The following APOBEC3F variants were observed in gnomAD, a reference collection of about 807,000 sequenced individuals.
APOBEC3F encodes the protein DNA dC->dU-editing enzyme APOBEC-3F.
A neutral mutation model predicts 45.8 loss-of-function variants in APOBEC3F; 34 were observed. That is an observed-to-expected ratio of 0.74 (90% CI 0.57 to 0.99). The LOEUF is 0.99. APOBEC3F is among the 50% of genes least tolerant of loss of function. The pLI is 0.00. For synonymous variants in APOBEC3F, 192 were observed against 174.4 expected (o/e 1.10, Z -0.80); for missense variants, 459 against 474.1 (o/e 0.97, Z 0.30).
intron 5 of APOBEC3F, among the ~76,000 whole-genome samples, chr22:39,051,683 G>C (rs1400626204): frequency 6.6e-6 from 1 of 152,146 alleles, no homozygotes; most frequent in Non-Finnish European, 1.5e-5. Flanking sequence ...CCATGCATGT[G>C]GTTTATGCTC....
At chr22:39,047,147 G>GGGAC (rs1927263124) in intron 4 of APOBEC3F, among the ~76,000 whole-genome samples, 1 of 152,068 alleles carries the variant, frequency 6.6e-6, no homozygotes, top group Non-Finnish European at 1.5e-5. Context: ...GCATCCTGGG[G>GGGAC]GGACATCTGA....
intron 4 of APOBEC3F, among the ~76,000 whole-genome samples, chr22:39,048,026 T>C (rs896440475): frequency 6.6e-6 from 1 of 152,206 alleles, no homozygotes; most frequent in African/African-American, 2.4e-5. Flanking sequence ...CAGAGGAGGA[T>C]GCACATGACT....
chr22:39,049,718 G>A (rs990023284), intron 5 of APOBEC3F, 137 bp downstream of exon 5: 3 of 796,568 alleles, frequency 3.8e-6, no homozygotes, highest in Non-Finnish European at 3.5e-6. Context: ...TTTTTTTTTT[G>A]AGACAGAGTC....
rs369679835 is a variant in APOBEC3F, at chr22:39,045,130, C to T, written c.361C>T (p.Arg121Cys). ...PNVTLTISAA[R>C]LYYYWERDYR... Reference sequence around the variant, plus strand: ...TGTCACCCTGACCATCTCCGCCGCCCGCCTCTACTACTACTGGGAAAGAGA... The same window carrying T: ...TGTCACCCTGACCATCTCCGCCGCCTGCCTCTACTACTACTGGGAAAGAGA... Residue 121 changes from arginine (R) to cysteine (C), a missense_variant, in exon 3 of 7, where the codon CGC becomes TGC. Transcript: ENST00000308521. 2.1e-5 allele frequency: 34 copies of T among 1,613,966 alleles called. No individual in the cohort carries two copies. The South Asian group carries it at 2.3e-4, about 11-fold the overall frequency.
chr22:39,052,317 C>T lies in APOBEC3F; in HGVS notation c.967C>T (p.Gln323Ter). Residue 323 changes from glutamine to a stop codon, truncating the protein, a stop_gained, in exon 6 of 7, where the codon CAG becomes TAG. Transcript: ENST00000308521. LOFTEE classifies it low-confidence loss of function (END_TRUNC). ...DYQEGLRSLS[Q>*]EGASVEIMGY... ...CCAGGAGGGGCTCCGCAGCCTGAGT[C>T]AGGAAGGGGCCTCCGTGGAGATCAT... 6.2e-7 allele frequency: 1 copy of T among 1,614,186 alleles called. No individual in the cohort carries two copies. Among genetic ancestry groups the T allele is most frequent in the Non-Finnish European group, 8.5e-7 (1 of 1,180,028 alleles).
intron 2 of APOBEC3F, chr22:39,044,357 GTGA>G: frequency 7.1e-7 from 1 of 1,399,424 alleles, no homozygotes; most frequent in Non-Finnish European, 9.3e-7. Context: ...GGTGCACTTT[GTGA>G]TGATGCTTCA....
At chr22:39,041,269 G>C (rs1490944951) in intron 1 of APOBEC3F, among the ~76,000 whole-genome samples, 1 of 152,208 alleles carries the variant, frequency 6.6e-6, no homozygotes, top group Non-Finnish European at 1.5e-5. Flanking sequence ...CCCTGGGAGG[G>C]TGCTCCCTCT....
In APOBEC3F at chr22:39,042,944, G is replaced by A; in HGVS notation, c.25G>A (p.Val9Met). 1 of 1,613,886 alleles carries A rather than the reference G, an allele frequency of 6.2e-7. No homozygotes were observed. The highest frequency in any genetic ancestry group is 8.5e-7 in the Non-Finnish European group (1 of 1,179,858). Residue 9 changes from valine to methionine, a missense_variant, in exon 2 of 7, where the codon GTG (valine) becomes ATG (methionine). By Grantham distance (21) the Val-to-Met change is conservative. Transcript: ENST00000308521. Reference protein sequence around the residue: MKPHFRNTVERMYRDTFSY... With the variant: MKPHFRNTMERMYRDTFSY... Reference sequence around the variant, plus strand: ...TCTCTCTTGTGTCTTCAGAAACACAGTGGAGCGAATGTATCGAGACACATT... The same window carrying A: ...TCTCTCTTGTGTCTTCAGAAACACAATGGAGCGAATGTATCGAGACACATT...
rs1194521921 is a variant in APOBEC3F at position 39,052,114 on chromosome 22, T to A, written c.764T>A (p.Leu255His). 1 of 1,613,216 alleles carries A rather than the reference T, an allele frequency of 6.2e-7. No homozygotes were observed. The highest frequency in any genetic ancestry group is 1.7e-5 in the Admixed American group (1 of 60,008). The change falls in exon 6 of 7, where the codon CTC becomes CAC. Residue 255 changes from leucine (L) to histidine (H), a missense_variant. Coordinates refer to ENST00000308521, the MANE Select transcript of APOBEC3F (RefSeq NM_145298.6). Reference sequence around the variant, plus strand: ...CATTGTCATGCAGAAAGGTGCTTCCTCTCTTGGTTCTGTGACGACATACTG... The same window carrying A: ...CATTGTCATGCAGAAAGGTGCTTCCACTCTTGGTTCTGTGACGACATACTG... The part of the protein sequence containing the change: ...ETHCHAERCF[L>H]SWFCDDILSP...
At position 39,043,078 on chromosome 22, in the gene APOBEC3F, C is replaced by A. The variant is rs770058721; in HGVS notation, c.159C>A (p.Ile53=). 11 of 1,614,158 alleles carry A rather than the reference C, an allele frequency of 6.8e-6. No homozygotes were observed. In the African/African-American group the frequency reaches 9.3e-5, roughly 14 times the overall value. Residue 53 remains isoleucine (I), a synonymous_variant, in exon 2 of 7, where the codon ATC becomes ATA. Transcript: ENST00000308521. The part of the protein sequence containing the change: ...GPSRPRLDAK[I]FRGQVYSQPE... ...CAAGGCCCCGTTTGGACGCAAAGATCTTTCGAGGCCAGGTACCACCCGGAC... is the reference window on the plus strand; with the variant it reads ...CAAGGCCCCGTTTGGACGCAAAGATATTTCGAGGCCAGGTACCACCCGGAC...
Position 39,045,411 on chromosome 22 carries a change from C to A in APOBEC3F, c.452-17C>A. On this transcript the variant is annotated splice_polypyrimidine_tract_variant and intron_variant, in intron 3 of 6. Coordinates refer to ENST00000308521, the MANE Select transcript of APOBEC3F (RefSeq NM_145298.6). ...GGTCAGGGCAGAGCCTGACTGCTTC[C>A]TGCCTCTTCGTCTCAGAATTTGCAT... The A allele has an allele frequency of 6.2e-7, 1 of 1,614,058 alleles. No homozygotes were observed. Among genetic ancestry groups the A allele is most frequent in the Non-Finnish European group, 8.5e-7 (1 of 1,179,948 alleles).
chr22:39,052,636 A>C lies in APOBEC3F; in HGVS notation c.1063A>C (p.Lys355Gln), dbSNP rs1414509652. 1 of 1,614,108 alleles carries C rather than the reference A, an allele frequency of 6.2e-7. No homozygotes were observed. ...YNDDEPFKPW[K>Q]GLKYNFLFLD... The stretch of plus-strand genomic sequence containing the variant: ...TGATGATGAGCCATTCAAGCCTTGG[A>C]AAGGACTAAAATACAACTTTCTATT... Residue 355 changes from lysine to glutamine, a missense_variant, in exon 7 of 7, where the codon AAA (lysine) becomes CAA (glutamine). Coordinates refer to ENST00000308521, the MANE Select transcript of APOBEC3F (RefSeq NM_145298.6).
intron 4 of APOBEC3F, among the ~76,000 whole-genome samples, chr22:39,046,141 C>T (rs964413667): frequency 1.3e-5 from 2 of 152,124 alleles, no homozygotes; most frequent in Admixed American, 6.6e-5. Flanking sequence ...TCCTCTCTGG[C>T]CTTTCCTCTG....
chr22:39,049,798 C>A (rs1047321972), intron 5 of APOBEC3F, among the ~76,000 whole-genome samples: 29 of 151,080 alleles, frequency 1.9e-4, no homozygotes, highest in African/African-American at 6.8e-4. Flanking sequence ...CTCCTGGGTT[C>A]AAGCAATTCT....
chr22:39,046,986 G>A (rs1319899680), intron 4 of APOBEC3F, among the ~76,000 whole-genome samples: 1 of 152,100 alleles, frequency 6.6e-6, no homozygotes, highest in African/African-American at 2.4e-5. Flanking sequence ...GAGCACCTGG[G>A]TCTTAGACCG....
intron 4 of APOBEC3F, among the ~76,000 whole-genome samples, chr22:39,047,182 C>T (rs1927265660): frequency 6.6e-6 from 1 of 152,132 alleles, no homozygotes; most frequent in Non-Finnish European, 1.5e-5. Flanking sequence ...GCTATTCCTC[C>T]CTCCAATGGT....
chr22:39,045,965 T>G (rs1216258637), intron 4 of APOBEC3F, among the ~76,000 whole-genome samples: 1 of 151,922 alleles, frequency 6.6e-6, no homozygotes, highest in East Asian at 1.9e-4. Flanking sequence ...CTGTGGAAAC[T>G]TCAGGCTTCG....
chr22:39,044,249 C>T, intron 2 of APOBEC3F: 1 of 1,584,846 alleles, frequency 6.3e-7, no homozygotes, highest in Non-Finnish European at 8.6e-7. Flanking sequence ...CTGAGGATGC[C>T]TGGTGAATGG....
At position 39,052,983 on chromosome 22, in the gene APOBEC3F, C is replaced by T. The variant is rs925131611; in HGVS notation, c.*288C>T. 63 of 377,806 alleles carry T rather than the reference C, an allele frequency of 1.7e-4. No individual in the cohort carries two copies. Among genetic ancestry groups the T allele is most frequent in the African/African-American group, 1.2e-3 (57 of 46,612 alleles). The allele number at this position is 377,806 out of a possible 1,614,324, so 23.4% of individuals were successfully genotyped here. A position where few individuals can be genotyped will look rare whatever the true frequency, so the allele number is the denominator to read the frequency against. On this transcript the variant is annotated 3_prime_UTR_variant, in exon 7 of 7. Transcript: ENST00000308521. ...CCTTTTCCCATCTCCCCAGCATAAC[C>T]TAATATTTTTTTTTTTTTTTTGAGA...
Sources: gnomAD v4.1 joint callset for allele counts (sites outside exome capture counted in the v4.1 genomes callset) on GRCh38, gnomAD v4.1.1 for gene constraint, MANE v1.5 for transcripts, NCBI Gene and HGNC (gene_info 2026-07-23, HGNC 2026-07-21) for gene names.